The following TMEM132D variants were observed in gnomAD, a reference collection of about 807,000 sequenced individuals.
The protein encoded by TMEM132D is transmembrane protein 132D, also known as mature OL transmembrane protein.
A neutral mutation model predicts 62.3 loss-of-function variants in TMEM132D; 21 were observed. The observed-to-expected ratio is 0.34, with a 90% CI of 0.24 to 0.49. The LOEUF is 0.49. Among genes scored for constraint, TMEM132D ranks in the 20% least tolerant of loss-of-function variants. TMEM132D has a pLI of 0.99. For missense variants in TMEM132D, 1,346 were observed against 1,402.8 expected, an observed-to-expected ratio of 0.96 and a Z score of 0.65; for synonymous variants, 621 against 575.6, an observed-to-expected ratio of 1.08 and a Z score of -1.13.
chr12:129,535,026 A>C (rs1876340865), intron 2 of TMEM132D, among the ~76,000 whole-genome samples: 1 of 152,336 alleles, frequency 6.6e-6, no homozygotes, highest in Middle Eastern at 3.4e-3. Context: ...TTCAAGAACA[A>C]GGAAGTGTAT....
intron 5 of TMEM132D, among the ~76,000 whole-genome samples, chr12:129,121,770 T>C (rs1876073342): frequency 6.6e-6 from 1 of 152,134 alleles, no homozygotes; most frequent in Non-Finnish European, 1.5e-5. Context: ...TCAAAAGCCA[T>C]GGTAAGCATC....
intron 5 of TMEM132D, among the ~76,000 whole-genome samples, chr12:129,156,601 G>A (rs1177633224): frequency 6.6e-6 from 1 of 151,766 alleles, no homozygotes; most frequent in Admixed American, 6.6e-5. Context: ...TCCCAATGGA[G>A]TGAATCCACT....
chr12:129,737,367 A>T (rs191787981), intron 1 of TMEM132D, among the ~76,000 whole-genome samples: 2 of 152,300 alleles, frequency 1.3e-5, no homozygotes, highest in Non-Finnish European at 2.9e-5. Context: ...TGGTGTTTTA[A>T]TGTTTCCTAA....
intron 4 of TMEM132D, among the ~76,000 whole-genome samples, chr12:129,328,889 T>C (rs1869008908): frequency 6.6e-6 from 1 of 151,920 alleles, no homozygotes; most frequent in Non-Finnish European, 1.5e-5. Context: ...TCCAACTCTG[T>C]GTGGCCTCAT....
intron 5 of TMEM132D, among the ~76,000 whole-genome samples, chr12:129,146,076 CTT>C (rs10714658): frequency 2.1e-4 from 31 of 149,508 alleles, no homozygotes; most frequent in South Asian, 4.2e-4. Flanking sequence ...CCATACTGAT[CTT>C]TTTTTTTTTT....
At chr12:129,660,054 G>C (rs1880196359) in intron 2 of TMEM132D, among the ~76,000 whole-genome samples, 1 of 152,180 alleles carries the variant, frequency 6.6e-6, no homozygotes, top group African/African-American at 2.4e-5. Context: ...CTATTCCCTG[G>C]AAAGGGGAAG....
intron 3 of TMEM132D, among the ~76,000 whole-genome samples, chr12:129,456,444 A>T (rs7295920): frequency 0.02 from 3,054 of 152,202 alleles, 101 homozygotes; most frequent in African/African-American, 0.07. Flanking sequence ...CTATGGCTTG[A>T]CATTGACCAA....
At chr12:129,349,527 C>T (rs1004236789) in intron 3 of TMEM132D, among the ~76,000 whole-genome samples, 1 of 152,150 alleles carries the variant, frequency 6.6e-6, no homozygotes, top group East Asian at 1.9e-4. Flanking sequence ...TAATGTCTTA[C>T]CTTTTTATAG....
intron 3 of TMEM132D, among the ~76,000 whole-genome samples, chr12:129,516,597 A>G (rs534493827): frequency 7.2e-5 from 11 of 152,144 alleles, no homozygotes; most frequent in Non-Finnish European, 1.5e-4. Context: ...AACTGCCCCC[A>G]TGATTCCATT....
In TMEM132D at chr12:129,734,716, C is replaced by T. The variant is rs568017919; in HGVS notation, c.80-34018G>A. Among the ~76,000 whole-genome samples, 5 of 152,130 alleles carry T rather than the reference C, an allele frequency of 3.3e-5. No homozygotes were observed. The East Asian group carries it at 5.8e-4, about 18-fold the overall frequency. ...ATTTAAAAAATTAATAAATTAATTCCAGTTTATATGATTGCTTCAGGAAAC... is the reference window on the plus strand; with the variant it reads ...ATTTAAAAAATTAATAAATTAATTCTAGTTTATATGATTGCTTCAGGAAAC... On this transcript the variant is annotated intron_variant, in intron 1 of 8. Transcript: ENST00000422113.
At chr12:129,645,638 T>G (rs1041544605) in intron 2 of TMEM132D, among the ~76,000 whole-genome samples, 2 of 152,146 alleles carry the variant, frequency 1.3e-5, no homozygotes, top group Non-Finnish European at 2.9e-5. Context: ...TTAGAATTAT[T>G]GATAATTATA....
chr12:129,115,620 G>A (rs576926152), intron 5 of TMEM132D, among the ~76,000 whole-genome samples: 2 of 152,318 alleles, frequency 1.3e-5, no homozygotes, highest in African/African-American at 4.8e-5. Context: ...ATTTTCAGAT[G>A]CAGAATAAAA....
intron 4 of TMEM132D, among the ~76,000 whole-genome samples, chr12:129,327,258 G>T (rs1039018309): frequency 2.0e-5 from 3 of 152,138 alleles, no homozygotes; most frequent in African/African-American, 7.2e-5. Context: ...AAGACCCCAG[G>T]GGCACACAGC....
chr12:129,541,626 C>T (rs1476650195), intron 2 of TMEM132D, among the ~76,000 whole-genome samples: 1 of 152,158 alleles, frequency 6.6e-6, no homozygotes, highest in African/African-American at 2.4e-5. Context: ...TAAACGACAA[C>T]ACATTCTGAA....
intron 3 of TMEM132D, among the ~76,000 whole-genome samples, chr12:129,494,078 A>G (rs2137062236): frequency 6.6e-6 from 1 of 152,278 alleles, no homozygotes; most frequent in Non-Finnish European, 1.5e-5. Flanking sequence ...ATCCACGAAC[A>G]CACGCTCATC....
At chr12:129,791,793 TG>T (rs1871406603) in intron 1 of TMEM132D, among the ~76,000 whole-genome samples, 1 of 152,134 alleles carries the variant, frequency 6.6e-6, no homozygotes, top group African/African-American at 2.4e-5. Context: ...CTTTGAATGT[TG>T]GCTGCAAAAA....
At chr12:129,878,532 C>T (rs1270789250) in intron 1 of TMEM132D, among the ~76,000 whole-genome samples, 4 of 151,556 alleles carry the variant, frequency 2.6e-5, no homozygotes, top group Non-Finnish European at 4.4e-5. Flanking sequence ...AGGGCTGTCC[C>T]CCTTGCCCTA....
At position 129,417,263 on chromosome 12, in the gene TMEM132D, C is replaced by G. The variant is rs1321374788; in HGVS notation, c.1116-79446G>C. 2.0e-5 allele frequency among the ~76,000 whole-genome samples: 3 copies of G among 152,084 alleles called. No individual in the cohort carries two copies. The East Asian group carries it at 5.8e-4, about 29-fold the overall frequency. On this transcript the variant is annotated intron_variant, in intron 3 of 8. Transcript: ENST00000422113. ...CCAAGACAATCCTATGCAAAAAGAACAAAGCTGGAGGCATCATACTACCTG... is the reference window on the plus strand; with the variant it reads ...CCAAGACAATCCTATGCAAAAAGAAGAAAGCTGGAGGCATCATACTACCTG...
At chr12:129,769,229 T>C (rs1211322449) in intron 1 of TMEM132D, among the ~76,000 whole-genome samples, 1 of 152,178 alleles carries the variant, frequency 6.6e-6, no homozygotes, top group Non-Finnish European at 1.5e-5. Context: ...GACTGGCTAA[T>C]TTATAAAGAA....
Sources: allele counts gnomAD v4.1 joint callset (sites outside exome capture counted in the v4.1 genomes callset), GRCh38; gene constraint gnomAD v4.1.1; transcripts MANE v1.5; gene names NCBI Gene and HGNC (gene_info 2026-07-23, HGNC 2026-07-21).